The following TENT4B variants were observed in gnomAD, a reference collection of about 807,000 sequenced individuals.
TENT4B encodes the protein PAP associated domain containing 5.
Under a neutral mutation model 75.0 loss-of-function variants are expected in TENT4B, and 10 were observed. That is an observed-to-expected ratio of 0.13 (90% confidence interval 0.08 to 0.23). TENT4B has a LOEUF of 0.23. TENT4B is among the 10% of genes least tolerant of loss of function. TENT4B has a pLI of 1.00. For missense variants in TENT4B, 579 were observed against 893.8 expected (o/e 0.65, Z 4.49); for synonymous variants, 350 against 357.7 (o/e 0.98, Z 0.24).
Position 50,153,965 on chromosome 16 carries a change from A to G in TENT4B, c.344A>G (p.His115Arg). Reference protein sequence around the residue: ...PLETTNNNNNHHQPGAWARRA... With the variant: ...PLETTNNNNNRHQPGAWARRA... ...GAGACGACCAACAACAACAACAACC[A>G]CCACCAGCCCGGGGCCTGGGCCCGC... The change falls in exon 1 of 12, where the codon CAC (histidine) becomes CGC (arginine). Residue 115 changes from histidine to arginine, a missense_variant. His to Arg is a conservative substitution (Grantham distance 29). Transcript: ENST00000561678. 1 of 1,533,048 alleles carries G rather than the reference A, an allele frequency of 6.5e-7. No individual in the cohort carries two copies. The highest frequency in any genetic ancestry group is 1.2e-5 in the South Asian group (1 of 83,816). 95.0% of individuals were successfully genotyped at this position (1,533,048 alleles called of 1,614,324 possible).
chr16:50,160,531 C>T (rs2037984341), intron 1 of TENT4B, among the ~76,000 whole-genome samples: 2 of 152,278 alleles, frequency 1.3e-5, no homozygotes, highest in Non-Finnish European at 1.5e-5. Flanking sequence ...GATGGCCTTA[C>T]ATCTCAATTT....
At chr16:50,153,047 T>G (rs1007489015), upstream of TENT4B, 4 of 1,489,490 alleles carry the variant, frequency 2.7e-6, no homozygotes, top group Non-Finnish European at 3.6e-6. Flanking sequence ...GTGGGAGCAC[T>G]CCACAGATGG....
Position 50,231,150 on chromosome 16 carries a change from C to T in TENT4B, c.*1822C>T. The T allele has an allele frequency of 1.0e-6, 1 of 985,338 alleles. No homozygotes were observed. The highest frequency in any genetic ancestry group is 1.2e-6 in the Non-Finnish European group (1 of 829,536). 61.0% of individuals were successfully genotyped at this position (985,338 alleles called of 1,614,324 possible). Reference sequence around the variant, plus strand: ...GTTCCAAAACTGGAAACTCATAGTACTCGTGTAAACTGTGGAAGATTTCAA... The same window carrying T: ...GTTCCAAAACTGGAAACTCATAGTATTCGTGTAAACTGTGGAAGATTTCAA... On this transcript the variant is annotated 3_prime_UTR_variant, in exon 12 of 12. Transcript: ENST00000561678.
At chr16:50,185,012 TAA>T (rs1211392311) in intron 1 of TENT4B, among the ~76,000 whole-genome samples, 3 of 151,948 alleles carry the variant, frequency 2.0e-5, no homozygotes, top group African/African-American at 7.3e-5. Context: ...AAAAAGAAAA[TAA>T]AAGACCTGAT....
Position 50,230,933 on chromosome 16 carries a change from A to G in TENT4B, c.*1605A>G. On this transcript the variant is annotated 3_prime_UTR_variant, in exon 12 of 12. Transcript: ENST00000561678. The stretch of plus-strand genomic sequence containing the variant: ...GATTCTTTTATATATATATACATAT[A>G]AAGTACTATTGGCTTTTAGGAGTTT... 1.0e-6 allele frequency: 1 copy of G among 979,932 alleles called. No individual in the cohort carries two copies. The highest frequency in any genetic ancestry group is 1.2e-6 in the Non-Finnish European group (1 of 824,528). The allele number at this position is 979,932 out of a possible 1,614,324, so 60.7% of individuals were successfully genotyped here. A position where few individuals can be genotyped will look rare whatever the true frequency, so the allele number is the denominator to read the frequency against.
Position 50,230,407 on chromosome 16 carries a change from G to A in TENT4B, c.*1079G>A, listed in dbSNP as rs925079186. 10 of 985,110 alleles carry A rather than the reference G, an allele frequency of 1.0e-5. No individual in the cohort carries two copies. The African/African-American group carries it at 1.2e-4, about 12-fold the overall frequency. The allele number at this position is 985,110 out of a possible 1,614,324, so 61.0% of individuals were successfully genotyped here. A position where few individuals can be genotyped will look rare whatever the true frequency, so the allele number is the denominator to read the frequency against. On this transcript the variant is annotated 3_prime_UTR_variant, in exon 12 of 12. Coordinates refer to ENST00000561678, the MANE Select transcript of TENT4B (RefSeq NM_001365324.3). ...TGGCTTCTCTAACCCTGTGTGCTGC[G>A]TGTGCCTGTTTCTCATCTCTTATTC...
chr16:50,213,551 C>T (rs1385946733), intron 2 of TENT4B, among the ~76,000 whole-genome samples: 5 of 152,076 alleles, frequency 3.3e-5, no homozygotes, highest in African/African-American at 2.4e-5. Flanking sequence ...GTAATCTATT[C>T]GAAGACTCCT....
At chr16:50,222,980 G>A (rs754284761) in intron 6 of TENT4B, among the ~76,000 whole-genome samples, 194 bp from the exon 7 acceptor site, 1 of 152,144 alleles carries the variant, frequency 6.6e-6, no homozygotes, top group African/African-American at 2.4e-5. Context: ...ACAGTCTCCC[G>A]CCATTCCCGC....
At chr16:50,167,768 A>C (rs1441308086) in intron 1 of TENT4B, among the ~76,000 whole-genome samples, 1 of 151,828 alleles carries the variant, frequency 6.6e-6, no homozygotes, top group Non-Finnish European at 1.5e-5. Flanking sequence ...AGCAATTCTC[A>C]TGCTTCAGCA....
Position 50,223,129 on chromosome 16 carries a change from T to A in TENT4B, c.1168-45T>A, listed in dbSNP as rs1567513157. ...TATAATTTATTCCCCCTCTCCTTGATAATTTAGCAAAAATCCAATATAATT... is the reference window on the plus strand; with the variant it reads ...TATAATTTATTCCCCCTCTCCTTGAAAATTTAGCAAAAATCCAATATAATT... On this transcript the variant is annotated intron_variant, in intron 6 of 11. Transcript: ENST00000561678. 3.5e-6 allele frequency: 5 copies of A among 1,440,490 alleles called. No individual in the cohort carries two copies. In the South Asian group the frequency reaches 5.0e-5, roughly 14 times the overall value. 89.2% of individuals were successfully genotyped at this position (1,440,490 alleles called of 1,614,324 possible). A position where few individuals can be genotyped will look rare whatever the true frequency, so the allele number is the denominator to read the frequency against.
At chr16:50,218,537 A>C (rs2031679922) in intron 5 of TENT4B, among the ~76,000 whole-genome samples, 1 of 151,934 alleles carries the variant, frequency 6.6e-6, no homozygotes. Flanking sequence ...TATTTTTATT[A>C]GAGATGGGGT....
chr16:50,234,802 G>C lies in TENT4B; in HGVS notation c.*5474G>C, dbSNP rs866559775. The C allele has an allele frequency of 1.0e-6, 1 of 985,556 alleles. No homozygotes were observed. The allele number at this position is 985,556 out of a possible 1,614,324, so 61.1% of individuals were successfully genotyped here. A position where few individuals can be genotyped will look rare whatever the true frequency, so the allele number is the denominator to read the frequency against. Reference sequence around the variant, plus strand: ...GACCAGTGTAGTTTCTGGATATAAAGTGTGAAGGACTGTTGAGTTAAACAT... The same window carrying C: ...GACCAGTGTAGTTTCTGGATATAAACTGTGAAGGACTGTTGAGTTAAACAT... On this transcript the variant is annotated 3_prime_UTR_variant, in exon 12 of 12. Transcript: ENST00000561678.
Position 50,231,921 on chromosome 16 carries a change from A to T in TENT4B, c.*2593A>T. ...TTTTAATACTTCCTATATTTTGTGA[A>T]TATATCAGAAATGTGTCATTTATAT... On this transcript the variant is annotated 3_prime_UTR_variant, in exon 12 of 12. Transcript: ENST00000561678. The T allele has an allele frequency of 2.0e-6, 2 of 978,042 alleles. No homozygotes were observed. Among genetic ancestry groups the T allele is most frequent in the Non-Finnish European group, 2.4e-6 (2 of 823,206 alleles). The allele number at this position is 978,042 out of a possible 1,614,324, so 60.6% of individuals were successfully genotyped here.
rs1378555567 is a variant in TENT4B, at chr16:50,232,210, G to A, written c.*2882G>A. On this transcript the variant is annotated 3_prime_UTR_variant, in exon 12 of 12. Transcript: ENST00000561678. ...CTCCAGCTTTAAGGTGACTGTGAAG[G>A]TGCCTGGTTTTGAATGTCTTTGTTT... 1.5e-5 allele frequency: 15 copies of A among 984,980 alleles called. No homozygotes were observed. Among genetic ancestry groups the A allele is most frequent in the South Asian group, 4.7e-5 (1 of 21,288 alleles). 61.0% of individuals were successfully genotyped at this position (984,980 alleles called of 1,614,324 possible).
chr16:50,198,562 A>T (rs192800891), intron 1 of TENT4B, among the ~76,000 whole-genome samples: 26 of 151,684 alleles, frequency 1.7e-4, no homozygotes, highest in Admixed American at 6.6e-4. Context: ...GTTGCATTTT[A>T]AAAAAAAACT....
intron 1 of TENT4B, among the ~76,000 whole-genome samples, chr16:50,170,960 G>GTT (rs11424639): frequency 8.5e-4 from 125 of 146,730 alleles, no homozygotes; most frequent in East Asian, 6.6e-3. Context: ...TGTGCCCAGT[G>GTT]TTTTTTTTTT....
intron 1 of TENT4B, among the ~76,000 whole-genome samples, chr16:50,205,265 A>G (rs557727656): frequency 1.3e-5 from 2 of 152,142 alleles, no homozygotes; most frequent in East Asian, 3.9e-4. Context: ...TATTTTTCAC[A>G]TGGGAAAATA....
rs181679897 is a variant in TENT4B, at chr16:50,205,085, C to T, written c.639-6238C>T. Among the ~76,000 whole-genome samples the T allele has an allele frequency of 3.5e-3, 529 of 152,198 alleles. 2 individuals carry two copies. The highest frequency in any genetic ancestry group is 5.8e-3 in the Non-Finnish European group (393 of 68,002). ...TAATGAATTTTTTTATGATGAAGTT[C>T]TTGTTTTAAAAATATACAGTGGTAA... On this transcript the variant is annotated intron_variant, in intron 1 of 11. Transcript: ENST00000561678.
chr16:50,153,087 G>GCCCCGTCGCGC (rs972759847), upstream of TENT4B: 14 of 1,346,212 alleles, frequency 1.0e-5, no homozygotes, highest in African/African-American at 2.1e-4. Context: ...GGCGGTTGCG[G>GCCCCGTCGCGC]CCCCGTCGCG....
Sources: gnomAD v4.1 joint callset for allele counts (sites outside exome capture counted in the v4.1 genomes callset) on GRCh38, gnomAD v4.1.1 for gene constraint, MANE v1.5 for transcripts, NCBI Gene and HGNC (gene_info 2026-07-23, HGNC 2026-07-21) for gene names.